The following UHRF1 variants were observed in gnomAD, a reference collection of about 807,000 sequenced individuals.
UHRF1 encodes ubiquitin like with PHD and ring finger domains 1, also known as E3 ubiquitin-protein ligase UHRF1.
UHRF1 carries 9 observed loss-of-function variants against 96.5 expected under a neutral mutation model. The ratio of observed to expected loss-of-function variants is 0.09; its 90% CI spans 0.06 to 0.16. The LOEUF (loss-of-function observed/expected upper bound fraction) is 0.16. Ranked by LOEUF, UHRF1 falls within the 10% of genes least tolerant of loss-of-function variation. The pLI, the probability that UHRF1 is intolerant of heterozygous loss-of-function variation, is 1.00. For synonymous variants in UHRF1, 455 were observed against 469.9 expected, an observed-to-expected ratio of 0.97 and a Z score of 0.41; for missense variants, 626 against 1,131.1, an observed-to-expected ratio of 0.55 and a Z score of 6.40.
chr19:4,939,749 G>A (rs1414338080), intron 5 of UHRF1, among the ~76,000 whole-genome samples: 1 of 152,196 alleles, frequency 6.6e-6, no homozygotes, highest in East Asian at 1.9e-4. Flanking sequence ...TGGGTGCCAG[G>A]CGCAGTGGCT....
chr19:4,939,218 A>AT (rs35132707), intron 5 of UHRF1, among the ~76,000 whole-genome samples: 23,928 of 120,664 alleles, frequency 0.2, 2,374 homozygotes, highest in Non-Finnish European at 0.24. Flanking sequence ...GCACCCGGCC[A>AT]TTTTTTTTTT....
chr19:4,924,445 G>A (rs951305323), intron 2 of UHRF1, among the ~76,000 whole-genome samples: 2 of 152,098 alleles, frequency 1.3e-5, no homozygotes, highest in Admixed American at 6.6e-5. Flanking sequence ...CACCGCACCC[G>A]GCCAATTTTT....
At chr19:4,908,008 G>A (rs1160260257), upstream of UHRF1, among the ~76,000 whole-genome samples, 1 of 152,128 alleles carries the variant, frequency 6.6e-6, no homozygotes, top group Non-Finnish European at 1.5e-5. Context: ...CAACGCGCCC[G>A]GCCCTTGGCC....
rs771845391 is a variant in UHRF1 at position 4,951,696 on chromosome 19, CAA to C, written c.1818+717_1818+718del. On this transcript the variant is annotated intron_variant, in intron 13 of 16. Coordinates refer to ENST00000650932, the MANE Select transcript of UHRF1 (RefSeq NM_001048201.3). ...TCTGTTTTCACTTCTTGGCTCATCA[CAA>C]AAAAAAAAAAAAAAAAGCAGAAACA... Among the ~76,000 whole-genome samples, 149 of 83,326 alleles carry C rather than the reference CAA, an allele frequency of 1.8e-3. 3 individuals are homozygous for C. The South Asian group carries it at 0.044, about 24-fold the overall frequency. The allele number at this position is 83,326 out of a possible 152,430, so 54.7% of individuals were successfully genotyped here. A position where few individuals can be genotyped will look rare whatever the true frequency, so the allele number is the denominator to read the frequency against.
Position 4,932,804 on chromosome 19 carries a change from C to T in UHRF1, c.633C>T (p.Ile211=), listed in dbSNP as rs1381276223. ...SRDVRARART[I]IKWQDLEVGQ... ...ACGTCCGAGCGCGCGCCCGCACCAT[C>T]ATCAAGTGGCAGGACCTGGAGGTGG... Residue 211 remains isoleucine, a synonymous_variant, in exon 5 of 17, where the codon ATC becomes ATT. Coordinates refer to ENST00000650932, the MANE Select transcript of UHRF1 (RefSeq NM_001048201.3). The T allele has an allele frequency of 3.7e-6, 6 of 1,613,826 alleles. No individual in the cohort carries two copies. The highest frequency in any genetic ancestry group is 5.1e-6 in the Non-Finnish European group (6 of 1,179,904).
chr19:4,958,935 C>T (rs1291307557), intron 16 of UHRF1, among the ~76,000 whole-genome samples: 1 of 148,930 alleles, frequency 6.7e-6, no homozygotes, highest in Non-Finnish European at 1.5e-5. Context: ...GTACTCCAGC[C>T]TGGGCGTCAG....
chr19:4,930,820 C>G lies in UHRF1; in HGVS notation c.513C>G (p.Ser171Arg). 1.2e-6 allele frequency: 2 copies of G among 1,613,974 alleles called. No homozygotes were observed. The highest frequency in any genetic ancestry group is 1.7e-6 in the Non-Finnish European group (2 of 1,179,888). ...RKAPSRDEPC[S>R]STSRPALEED... is the part of the protein sequence containing the mutation. ...CCCCCTCCCGGGACGAGCCCTGCAG[C>G]TCCACGTCCAGGCCGGCGCTGGAGG... The change falls in exon 4 of 17, where the codon AGC becomes AGG. Residue 171 changes from serine to arginine, a missense_variant. Physicochemically the swap from Ser to Arg is moderately radical, Grantham distance 110. Coordinates refer to ENST00000650932, the MANE Select transcript of UHRF1 (RefSeq NM_001048201.3). The surrounding 1 kb of genome is among the most constrained non-coding windows in gnomAD (Gnocchi z 4.4).
At chr19:4,903,686 A>T (rs2031996422) in intron 1 of UHRF1, 1 of 151,924 alleles carries the variant, frequency 6.6e-6, no homozygotes, top group African/African-American at 2.4e-5. Context: ...TATTTTTAGT[A>T]GAGACGGGGT....
At chr19:4,928,474 C>T (rs1189972226) in intron 2 of UHRF1, among the ~76,000 whole-genome samples, 2 of 152,190 alleles carry the variant, frequency 1.3e-5, no homozygotes, top group Non-Finnish European at 2.9e-5. Flanking sequence ...TGCATACCTG[C>T]TGAGTCAGGT....
At position 4,944,239 on chromosome 19, in the gene UHRF1, A is replaced by G. The variant is rs910778220; in HGVS notation, c.1181A>G (p.Gln394Arg). The G allele has an allele frequency of 1.2e-6, 2 of 1,613,934 alleles. No homozygotes were observed. The highest frequency in any genetic ancestry group is 1.7e-6 in the Non-Finnish European group (2 of 1,179,906). ...AKMASATSSS[Q>R]RDWGKGMACV... ...ATGGCCTCGGCCACATCGTCCTCAC[A>G]GCGGGACTGGGGCAAGGTGAGGCGG... Residue 394 changes from glutamine (Q) to arginine (R), a missense_variant, in exon 8 of 17, where the codon CAG becomes CGG. This residue lies in a region of UHRF1 where 69 missense variants were observed against 159.8 expected (regional missense o/e 0.43). Coordinates refer to ENST00000650932, the MANE Select transcript of UHRF1 (RefSeq NM_001048201.3).
chr19:4,928,726 G>C (rs2032950058), intron 2 of UHRF1, among the ~76,000 whole-genome samples: 1 of 152,184 alleles, frequency 6.6e-6, no homozygotes, highest in South Asian at 2.1e-4. Context: ...GGGCACTGCA[G>C]GGTGCCGAGC....
At chr19:4,951,299 C>G (rs2033711332) in intron 13 of UHRF1, among the ~76,000 whole-genome samples, 1 of 152,158 alleles carries the variant, frequency 6.6e-6, no homozygotes, top group Non-Finnish European at 1.5e-5. Flanking sequence ...CATGACGGCT[C>G]TGACACTTCC....
At chr19:4,932,619 A>G in intron 4 of UHRF1, 122 bp from the exon 5 acceptor site, 1 of 1,015,478 alleles carries the variant, frequency 9.8e-7, no homozygotes, top group Non-Finnish European at 1.5e-6. Flanking sequence ...ACCAGCATAT[A>G]AGCCTGTTGG....
intron 11 of UHRF1, among the ~76,000 whole-genome samples, chr19:4,947,440 T>C (rs2033598353): frequency 6.8e-6 from 1 of 148,050 alleles, no homozygotes; most frequent in Non-Finnish European, 1.5e-5. Context: ...CCGTGAGCCA[T>C]TCAGATGGAT....
rs577551653 is a variant in UHRF1, at chr19:4,955,054, C to T, written c.2130+232C>T. Among the ~76,000 whole-genome samples, 13 of 152,124 alleles carry T rather than the reference C, an allele frequency of 8.5e-5. No homozygotes were observed. In the East Asian group the frequency reaches 9.7e-4, roughly 11 times the overall value. On this transcript the variant is annotated intron_variant, in intron 15 of 16. Coordinates refer to ENST00000650932, the MANE Select transcript of UHRF1 (RefSeq NM_001048201.3). ...CCACCCCCTCCCAAGCCTTGGCACT[C>T]GCTCCCCAGCCCCGGCAACTGCTCC...
intron 9 of UHRF1, 148 bp from the exon 10 acceptor site, chr19:4,945,713 G>A: frequency 4.9e-6 from 3 of 612,936 alleles, no homozygotes; most frequent in Non-Finnish European, 9.0e-6. Context: ...TAGCCGAGCA[G>A]CACACGTAGT....
At chr19:4,952,889 G>A (rs1038135438) in intron 13 of UHRF1, among the ~76,000 whole-genome samples, 5 of 152,088 alleles carry the variant, frequency 3.3e-5, no homozygotes, top group African/African-American at 1.2e-4. Context: ...TCAGGTGTTC[G>A]TAAGTGAAGT....
chr19:4,905,338 C>G (rs1217890547), upstream of UHRF1, among the ~76,000 whole-genome samples: 1 of 151,002 alleles, frequency 6.6e-6, no homozygotes, highest in African/African-American at 2.4e-5. Context: ...CCAGGATGGT[C>G]TCCATCTCCT....
intron 15 of UHRF1, among the ~76,000 whole-genome samples, chr19:4,955,476 A>G (rs1279376203): frequency 6.6e-6 from 1 of 152,020 alleles, no homozygotes; most frequent in Non-Finnish European, 1.5e-5. Flanking sequence ...TCCCAGCTCC[A>G]GGTCCTTCAC....
Sources: allele counts gnomAD v4.1 joint callset (sites outside exome capture counted in the v4.1 genomes callset), GRCh38; gene constraint gnomAD v4.1.1; regional missense constraint gnomAD v4.1.1; non-coding constraint Gnocchi (gnomAD v3.1); transcripts MANE v1.5; gene names NCBI Gene and HGNC (gene_info 2026-07-23, HGNC 2026-07-21).